Variants in TENT5D observed in about 807,000 individuals in gnomAD.
TENT5D encodes terminal nucleotidyltransferase 5D.
For synonymous variants in TENT5D, 103 were observed against 100.6 expected, an observed-to-expected ratio of 1.02 and a Z score of -0.15; for missense variants, 191 against 287.0, an observed-to-expected ratio of 0.67 and a Z score of 2.42.
chrX:80,352,606 T>G (rs995271559), intron 3 of TENT5D, among the ~76,000 whole-genome samples: 9 of 106,561 alleles, frequency 8.4e-5, no homozygotes, highest in Admixed American at 7.3e-4. Context: ...TCTTTGGGAG[T>G]GGGACCTATT....
chrX:80,341,918 A>G (rs1260404911), intron 2 of TENT5D, among the ~76,000 whole-genome samples: 2 of 107,394 alleles, frequency 1.9e-5, no homozygotes, highest in Middle Eastern at 4.7e-3. Context: ...TCACCGTGTT[A>G]GCCAGGATGG....
At chrX:80,421,653 TTGTTTCTTTAAAGAATG>T (rs1466856650) in intron 1 of TENT5D, among the ~76,000 whole-genome samples, 2 of 112,453 alleles carry the variant, frequency 1.8e-5, no homozygotes, top group East Asian at 5.6e-4. Context: ...CATTTTGAAA[TTGTTTCTTTAAAGAATG>T]CCATTATCAT....
chrX:80,443,968 C>T, exon 3 of TENT5D: 1 of 273,960 alleles, frequency 3.7e-6, no homozygotes, highest in East Asian at 5.7e-5. Flanking sequence ...GTTGTGTTCC[C>T]CTTGAAGTGA....
At chrX:80,382,586 G>A (rs1464709556) in intron 3 of TENT5D, among the ~76,000 whole-genome samples, 1 of 90,732 alleles carries the variant, frequency 1.1e-5, no homozygotes, top group Non-Finnish European at 2.2e-5. Context: ...TCCTGAGGAG[G>A]GGTCTGCAGA....
intron 3 of TENT5D, among the ~76,000 whole-genome samples, chrX:80,415,000 C>A (rs1365178792): frequency 1.8e-5 from 2 of 111,674 alleles, no homozygotes; most frequent in Non-Finnish European, 3.8e-5. Flanking sequence ...TTGTAGCAAT[C>A]TTTTACCTCC....
chrX:80,380,444 T>G (rs1284228686), intron 3 of TENT5D, among the ~76,000 whole-genome samples: 4 of 111,193 alleles, frequency 3.6e-5, no homozygotes, highest in Non-Finnish European at 3.8e-5. Context: ...TGTTGATTTT[T>G]GGTGGAGAGT....
chrX:80,405,674 A>G (rs1465824234), intron 3 of TENT5D, among the ~76,000 whole-genome samples: 5 of 110,717 alleles, frequency 4.5e-5, no homozygotes, highest in South Asian at 3.8e-4. Context: ...GCGAGGCTGG[A>G]GGAGGGGCGC....
At chrX:80,434,377 AT>A (rs1324835932) in intron 1 of TENT5D, among the ~76,000 whole-genome samples, 1 of 111,352 alleles carries the variant, frequency 9.0e-6, no homozygotes, top group Non-Finnish European at 1.9e-5. Flanking sequence ...CCTGAAACAG[AT>A]TGCCTACATA....
At chrX:80,340,017 A>G (rs895325438) in intron 2 of TENT5D, among the ~76,000 whole-genome samples, 1 of 110,749 alleles carries the variant, frequency 9.0e-6, no homozygotes, top group African/African-American at 3.3e-5. Flanking sequence ...TTTTATTATT[A>G]CTTGAGTTGA....
intron 3 of TENT5D, among the ~76,000 whole-genome samples, chrX:80,408,716 GA>G (rs1472881263): frequency 9.0e-6 from 1 of 111,168 alleles, no homozygotes; most frequent in Non-Finnish European, 1.9e-5. Context: ...CCAATCAATA[GA>G]AAAAGAGGGA....
At chrX:80,445,216 A>G (rs1932361941) in exon 3 of TENT5D, 1 of 122,967 alleles carries the variant, frequency 8.1e-6, no homozygotes, top group Non-Finnish European at 1.9e-5. Flanking sequence ...TTAAAGAATT[A>G]TATATCACAG....
chrX:80,375,488 A>G (rs777495311), intron 3 of TENT5D, among the ~76,000 whole-genome samples: 1 of 111,602 alleles, frequency 9.0e-6, no homozygotes, highest in Non-Finnish European at 1.9e-5. Flanking sequence ...TGATAACTTT[A>G]TAAGTTTTGC....
At chrX:80,351,811 G>T (rs773151609) in intron 3 of TENT5D, among the ~76,000 whole-genome samples, 1 of 111,845 alleles carries the variant, frequency 8.9e-6, no homozygotes, top group African/African-American at 3.2e-5. Flanking sequence ...CTTTGAGGTT[G>T]ATGACCTTGG....
At chrX:80,381,228 G>A (rs1388709143) in intron 3 of TENT5D, among the ~76,000 whole-genome samples, 1 of 111,703 alleles carries the variant, frequency 9.0e-6, no homozygotes, top group Non-Finnish European at 1.9e-5. Flanking sequence ...AGCTTAGTTT[G>A]GCTGGATATG....
At chrX:80,413,781 AAT>A (rs1375637082) in intron 3 of TENT5D, among the ~76,000 whole-genome samples, 1 of 111,989 alleles carries the variant, frequency 8.9e-6, no homozygotes, top group African/African-American at 3.3e-5. Flanking sequence ...AAAATGAACT[AAT>A]ACACACATAA....
intron 1 of TENT5D, among the ~76,000 whole-genome samples, chrX:80,436,313 T>A (rs1349491705): frequency 1.8e-5 from 2 of 111,385 alleles, no homozygotes; most frequent in Non-Finnish European, 3.8e-5. Context: ...AACTCTTTGA[T>A]GTATAGAGAA....
At chrX:80,380,350 A>G (rs1272865634) in intron 3 of TENT5D, among the ~76,000 whole-genome samples, 1 of 110,968 alleles carries the variant, frequency 9.0e-6, no homozygotes, top group Admixed American at 9.7e-5. Flanking sequence ...CTGTTCTCTT[A>G]CATTTCCTGA....
At chrX:80,390,890 A>T (rs1931111534) in intron 3 of TENT5D, among the ~76,000 whole-genome samples, 1 of 111,927 alleles carries the variant, frequency 8.9e-6, no homozygotes, top group Non-Finnish European at 1.9e-5. Context: ...TCTTGTGTGT[A>T]TGCTGTTTAT....
At chrX:80,408,349 C>T (rs1336577280) in intron 3 of TENT5D, among the ~76,000 whole-genome samples, 17 of 109,898 alleles carry the variant, frequency 1.5e-4, no homozygotes, top group Middle Eastern at 4.7e-3. Context: ...ATTGATAGAC[C>T]GCTAGCAAGA....
Sources: gnomAD v4.1 joint callset for allele counts (sites outside exome capture counted in the v4.1 genomes callset) on GRCh38, gnomAD v4.1.1 for gene constraint, MANE v1.5 for transcripts, NCBI Gene and HGNC (gene_info 2026-07-23, HGNC 2026-07-21) for gene names.